ITPR1: variants seen among roughly 807,000 people sequenced by gnomAD.
ITPR1 encodes inositol 1,4,5-trisphosphate receptor type 1.
ITPR1 carries 96 observed loss-of-function variants against 318.4 expected under a neutral mutation model. The ratio of observed to expected loss-of-function variants is 0.30; its 90% confidence interval spans 0.26 to 0.36. The LOEUF is 0.36. ITPR1 is among the 10% of genes least tolerant of loss of function. The pLI is 1.00. For missense variants in ITPR1, 2,440 were observed against 3,460.2 expected, an observed-to-expected ratio of 0.71 and a Z score of 7.40; for synonymous variants, 1,312 against 1,289.9, an observed-to-expected ratio of 1.02 and a Z score of -0.37.
chr3:4,695,692 C>A (rs771496426), intron 33 of ITPR1, among the ~76,000 whole-genome samples: 1 of 152,168 alleles, frequency 6.6e-6, no homozygotes. Flanking sequence ...TCATTCCATG[C>A]CTTTTTAAGT....
At chr3:4,721,936 G>T (rs1206015643) in intron 40 of ITPR1, among the ~76,000 whole-genome samples, 1 of 152,174 alleles carries the variant, frequency 6.6e-6, no homozygotes, top group Non-Finnish European at 1.5e-5. Flanking sequence ...ATTTAAGAAT[G>T]ATAAAGTATA....
chr3:4,552,581 A>G (rs2085675268), intron 4 of ITPR1, among the ~76,000 whole-genome samples: 1 of 152,154 alleles, frequency 6.6e-6, no homozygotes, highest in African/African-American at 2.4e-5. Flanking sequence ...CAGTGGGTGG[A>G]TGAGTTCTTG....
intron 61 of ITPR1, among the ~76,000 whole-genome samples, 165 bp from the exon 62 acceptor site, chr3:4,845,974 A>G (rs1227580750): frequency 6.6e-6 from 1 of 152,222 alleles, no homozygotes; most frequent in Non-Finnish European, 1.5e-5. Context: ...GCCTAAGAAG[A>G]TGCCTTTTTT....
chr3:4,698,321 C>G (rs2094591429), intron 34 of ITPR1, among the ~76,000 whole-genome samples: 1 of 152,138 alleles, frequency 6.6e-6, no homozygotes, highest in African/African-American at 2.4e-5. Flanking sequence ...ACTTATTTTC[C>G]TTCTGAGTGA....
chr3:4,606,998 G>A (rs2091749794), intron 4 of ITPR1, among the ~76,000 whole-genome samples: 1 of 152,128 alleles, frequency 6.6e-6, no homozygotes, highest in Admixed American at 6.5e-5. Context: ...AGAAGTGCAG[G>A]GGCCACGTGA....
chr3:4,645,881 A>G lies in ITPR1; in HGVS notation c.855+153A>G. ...ACACACCTACACACACACACAGAATACATGTGTGTGTATATATATAAGTCA... is the reference window on the plus strand; with the variant it reads ...ACACACCTACACACACACACAGAATGCATGTGTGTGTATATATATAAGTCA... On this transcript the variant is annotated intron_variant, in intron 10 of 61. Coordinates refer to ENST00000649015, the MANE Select transcript of ITPR1 (RefSeq NM_001378452.1). The G allele has an allele frequency of 8.6e-6, 6 of 697,252 alleles. No individual in the cohort carries two copies. The South Asian group carries it at 1.1e-4, about 13-fold the overall frequency. 43.2% of individuals were successfully genotyped at this position (697,252 alleles called of 1,614,324 possible).
At chr3:4,670,380 G>A (rs1219717936) in intron 19 of ITPR1, among the ~76,000 whole-genome samples, 3 of 152,114 alleles carry the variant, frequency 2.0e-5, no homozygotes, top group Admixed American at 1.3e-4. Flanking sequence ...TTCACATTTC[G>A]GGCTTGGTAA....
At chr3:4,504,590 G>A (rs1410269981) in intron 2 of ITPR1, among the ~76,000 whole-genome samples, 2 of 152,208 alleles carry the variant, frequency 1.3e-5, no homozygotes. Context: ...AAGGCAAGGA[G>A]GGGGAGCTGT....
intron 17 of ITPR1, among the ~76,000 whole-genome samples, chr3:4,665,676 C>T (rs1316776494): frequency 1.3e-5 from 2 of 152,200 alleles, no homozygotes; most frequent in East Asian, 1.9e-4. Context: ...TTTCTAGAAA[C>T]ATGATCTTTA....
intron 2 of ITPR1, among the ~76,000 whole-genome samples, chr3:4,515,295 C>T (rs1559368720): frequency 6.6e-6 from 1 of 152,152 alleles, no homozygotes; most frequent in Non-Finnish European, 1.5e-5. Context: ...GAAAACTTGG[C>T]ACCCAGGAAG....
intron 4 of ITPR1, among the ~76,000 whole-genome samples, chr3:4,531,040 G>A (rs540332910): frequency 1.1e-4 from 17 of 152,130 alleles, no homozygotes; most frequent in African/African-American, 3.1e-4. Flanking sequence ...GTTCTTGACC[G>A]TTGGAGCACA....
At position 4,673,236 on chromosome 3, in the gene ITPR1, A is replaced by G. The variant is rs35789999; in HGVS notation, c.2305A>G (p.Met769Val). The change falls in exon 21 of 62, where the codon ATG becomes GTG. Residue 769 changes from methionine (M) to valine (V), a missense_variant. Met to Val is a conservative substitution (Grantham distance 21). Around this residue, in one of 23 missense-constraint regions of ITPR1, gnomAD observed 478 missense variants for 696.3 expected, o/e 0.69. Coordinates refer to ENST00000649015, the MANE Select transcript of ITPR1 (RefSeq NM_001378452.1). ...QLDVDLILRC[M>V]SDENLPYDLR... Reference sequence around the variant, plus strand: ...GGATGTCGATCTCATTCTCCGCTGCATGTCTGACGAGAACCTGCCCTATGA... The same window carrying G: ...GGATGTCGATCTCATTCTCCGCTGCGTGTCTGACGAGAACCTGCCCTATGA... 0.013 allele frequency: 20,242 copies of G among 1,613,956 alleles called. 147 individuals are homozygous for G. Among genetic ancestry groups the G allele is most frequent in the Non-Finnish European group, 0.014 (16,209 of 1,179,866 alleles).
chr3:4,811,517 C>A, intron 56 of ITPR1, 57 bp downstream of exon 56: 1 of 1,421,046 alleles, frequency 7.0e-7, no homozygotes, highest in Non-Finnish European at 9.8e-7. Context: ...CTGATTATAA[C>A]TGAACTAAAG....
intron 23 of ITPR1, 58 bp downstream of exon 23, chr3:4,675,306 GC>G (rs1308547671): frequency 3.2e-6 from 4 of 1,262,800 alleles, no homozygotes; most frequent in Admixed American, 2.1e-5. Flanking sequence ...TTCCTGTTAT[GC>G]TCATGTCATA....
intron 4 of ITPR1, among the ~76,000 whole-genome samples, chr3:4,553,714 C>T (rs2085823703): frequency 6.6e-6 from 1 of 151,726 alleles, no homozygotes; most frequent in Non-Finnish European, 1.5e-5. Context: ...GATTCTCCTC[C>T]CTCAGTCTCC....
intron 4 of ITPR1, among the ~76,000 whole-genome samples, chr3:4,553,575 C>T (rs1360174170): frequency 6.6e-6 from 1 of 151,024 alleles, no homozygotes; most frequent in Admixed American, 6.6e-5. Flanking sequence ...GGACTACAAG[C>T]GCGTGCCACC....
chr3:4,669,604 C>G, intron 18 of ITPR1, 50 bp from the exon 19 acceptor site: 1 of 1,551,862 alleles, frequency 6.4e-7, no homozygotes, highest in Non-Finnish European at 8.7e-7. Context: ...GTCCAGGAGC[C>G]TAACCTCTGC....
At position 4,846,616 on chromosome 3, in the gene ITPR1, T is replaced by C. The variant is rs1470732360; in HGVS notation, c.*391T>C. 6.4e-6 allele frequency: 1 copy of C among 156,724 alleles called. No individual in the cohort carries two copies. Among genetic ancestry groups the C allele is most frequent in the Admixed American group, 6.5e-5 (1 of 15,478 alleles). The allele number at this position is 156,724 out of a possible 1,614,324, so 9.7% of individuals were successfully genotyped here. A position where few individuals can be genotyped will look rare whatever the true frequency, so the allele number is the denominator to read the frequency against. On this transcript the variant is annotated 3_prime_UTR_variant, in exon 62 of 62. Coordinates refer to ENST00000649015, the MANE Select transcript of ITPR1 (RefSeq NM_001378452.1). ...GAATTATGCAATCACAATACATTTGTAGCTCCCGAGTGTCCTAAAGGGAGT... is the reference window on the plus strand; with the variant it reads ...GAATTATGCAATCACAATACATTTGCAGCTCCCGAGTGTCCTAAAGGGAGT...
intron 10 of ITPR1, among the ~76,000 whole-genome samples, chr3:4,646,574 T>G (rs908917006): frequency 6.6e-5 from 10 of 152,122 alleles, no homozygotes; most frequent in African/African-American, 2.4e-4. Context: ...GGGATTTAAT[T>G]TATGGGCAGG....
Sources: allele counts gnomAD v4.1 joint callset (sites outside exome capture counted in the v4.1 genomes callset), GRCh38; gene constraint gnomAD v4.1.1; regional missense constraint gnomAD v4.1.1; transcripts MANE v1.5; gene names NCBI Gene and HGNC (gene_info 2026-07-23, HGNC 2026-07-21).